The following KL variants were observed in gnomAD, a reference collection of about 807,000 sequenced individuals.
KL encodes the protein klotho, also known as alpha-klotho.
In KL, 62 loss-of-function variants were observed where a neutral mutation model predicts 84.2. That is an observed-to-expected ratio of 0.74 (90% CI 0.60 to 0.91). The LOEUF is 0.91. KL is among the 40% of genes least tolerant of loss of function. The probability of loss-of-function intolerance (pLI) is 0.00; values close to 1 mark genes in which losing one functional copy is unlikely to be tolerated. For synonymous variants in KL, 528 were observed against 528.0 expected, an observed-to-expected ratio of 1.00 and a Z score of 0.00; for missense variants, 1,261 against 1,305.7, an observed-to-expected ratio of 0.97 and a Z score of 0.53.
chr13:33,031,812 G>C (rs368604661), intron 1 of KL, among the ~76,000 whole-genome samples: 2 of 152,252 alleles, frequency 1.3e-5, no homozygotes. Context: ...CTGTTTTCAT[G>C]ATAAGCCTTT....
chr13:33,041,868 C>T (rs977253865), intron 1 of KL, among the ~76,000 whole-genome samples: 7 of 152,160 alleles, frequency 4.6e-5, no homozygotes, highest in Admixed American at 3.9e-4. Context: ...TTGAAGAAGA[C>T]TTGCCTGTCT....
intron 4 of KL, among the ~76,000 whole-genome samples, chr13:33,062,483 A>C (rs1872245292): frequency 6.6e-6 from 1 of 151,396 alleles, no homozygotes; most frequent in African/African-American, 2.4e-5. Context: ...GACCAGCCTG[A>C]CCAACATGGT....
Position 33,054,056 on chromosome 13 carries a change from G to C in KL, c.1109G>C (p.Cys370Ser), listed in dbSNP as rs9527025. The C allele has an allele frequency of 0.15, 249,034 of 1,612,736 alleles. 20,412 individuals are homozygous for C. The highest frequency in any genetic ancestry group is 0.18 in the African/African-American group (13,539 of 74,826). ...GGAACTGCTGACTTTTTTGCTCTTT[G>C]CTTTGGACCCACCTTGAGTTTTCAA... The part of the protein sequence containing the change: ...IKGTADFFAL[C>S]FGPTLSFQLL... Residue 370 changes from cysteine (C) to serine (S), a missense_variant, in exon 2 of 5, where the codon TGC (cysteine) becomes TCC (serine). By Grantham distance (112) the Cys-to-Ser change is moderately radical. Coordinates refer to ENST00000380099, the MANE Select transcript of KL (RefSeq NM_004795.4).
Position 33,017,028 on chromosome 13 carries a change from G to T in KL, c.588G>T (p.Leu196=). 6.3e-7 allele frequency: 1 copy of T among 1,598,092 alleles called. No individual in the cohort carries two copies. The highest frequency in any genetic ancestry group is 8.5e-7 in the Non-Finnish European group (1 of 1,176,182). The change falls in exon 1 of 5, where the codon CTG becomes CTT. Residue 196 remains leucine, a synonymous_variant. Transcript: ENST00000380099. ...QPVVTLYHWD[L]PQRLQDAYGG... is the part of the protein sequence containing the mutation. ...TGGTCACCCTGTACCACTGGGACCT[G>T]CCCCAGCGCCTGCAGGACGCCTACG...
Position 33,016,739 on chromosome 13 carries a change from C to A in KL, c.299C>A (p.Pro100His). ...WDTFTHHPLA[P>H]PGDSRNASLP... ...ACGTTCACCCACCACCCCCTGGCAC[C>A]CCCGGGAGACTCCCGGAACGCCAGT... Residue 100 changes from proline to histidine, a missense_variant, in exon 1 of 5, where the codon CCC (proline) becomes CAC (histidine). Physicochemically the swap from Pro to His is moderately conservative, Grantham distance 77. Coordinates refer to ENST00000380099, the MANE Select transcript of KL (RefSeq NM_004795.4). 2.5e-6 allele frequency: 4 copies of A among 1,611,676 alleles called. No homozygotes were observed. The highest frequency in any genetic ancestry group is 1.1e-5 in the South Asian group (1 of 90,886).
chr13:33,031,064 C>G (rs9526961), intron 1 of KL, among the ~76,000 whole-genome samples: 21,814 of 152,018 alleles, frequency 0.14, 1,647 homozygotes, highest in South Asian at 0.17. Context: ...TAATAAAATG[C>G]CCCAGAACTG....
intron 2 of KL, among the ~76,000 whole-genome samples, 162 bp downstream of exon 2, chr13:33,054,439 G>A (rs1283867973): frequency 6.6e-6 from 1 of 152,134 alleles, no homozygotes; most frequent in African/African-American, 2.4e-5. Flanking sequence ...TTCTCATTTG[G>A]AGTCTTGAGG....
chr13:33,032,835 C>T (rs912194900), intron 1 of KL, among the ~76,000 whole-genome samples: 1 of 152,126 alleles, frequency 6.6e-6, no homozygotes, highest in Admixed American at 6.5e-5. Flanking sequence ...TTTTCCGTCT[C>T]TCCAGGATCT....
chr13:33,019,524 C>T (rs1870493227), intron 1 of KL, among the ~76,000 whole-genome samples: 1 of 152,026 alleles, frequency 6.6e-6, no homozygotes, highest in African/African-American at 2.4e-5. Flanking sequence ...TACAAATGGG[C>T]TAAGGAGATC....
At chr13:33,023,464 C>T (rs1474343213) in intron 1 of KL, among the ~76,000 whole-genome samples, 1 of 152,224 alleles carries the variant, frequency 6.6e-6, no homozygotes, top group East Asian at 1.9e-4. Context: ...CACTTAACTA[C>T]TTAATTTGCC....
rs1268960970 is a variant in KL at position 33,054,060 on chromosome 13, T to G, written c.1113T>G (p.Phe371Leu). 2.5e-6 allele frequency: 4 copies of G among 1,613,850 alleles called. No homozygotes were observed. Among genetic ancestry groups the G allele is most frequent in the Non-Finnish European group, 3.4e-6 (4 of 1,179,844 alleles). ...CTGCTGACTTTTTTGCTCTTTGCTT[T>G]GGACCCACCTTGAGTTTTCAACTTT... ...KGTADFFALC[F>L]GPTLSFQLLD... The change falls in exon 2 of 5, where the codon TTT (phenylalanine) becomes TTG (leucine). Residue 371 changes from phenylalanine (F) to leucine (L), a missense_variant. Phe to Leu is a conservative substitution (Grantham distance 22, BLOSUM62 0). Transcript: ENST00000380099.
At chr13:33,047,975 T>C (rs1871599316) in intron 1 of KL, among the ~76,000 whole-genome samples, 1 of 152,200 alleles carries the variant, frequency 6.6e-6, no homozygotes, top group South Asian at 2.1e-4. Context: ...TCATGTTTTC[T>C]TCAGTTGTTG....
chr13:33,056,639 CAAA>C (rs57452305), intron 3 of KL, among the ~76,000 whole-genome samples: 45,908 of 144,456 alleles, frequency 0.32, 8,518 homozygotes, highest in Admixed American at 0.46. Flanking sequence ...ACTAAAAATA[CAAA>C]AAAAAAAAAA....
chr13:33,054,676 A>G (rs1871885246), intron 2 of KL, among the ~76,000 whole-genome samples: 1 of 152,222 alleles, frequency 6.6e-6, no homozygotes, highest in Non-Finnish European at 1.5e-5. Context: ...AAAATAGTAT[A>G]AATAGATCAT....
intron 1 of KL, among the ~76,000 whole-genome samples, chr13:33,020,819 C>T (rs1156996875): frequency 6.6e-6 from 1 of 152,126 alleles, no homozygotes; most frequent in Non-Finnish European, 1.5e-5. Flanking sequence ...TCTGCCTTGC[C>T]CCCTGCAGTG....
rs71071071 is a variant in KL at position 33,044,640 on chromosome 13, C to CTTTTTTTTTTTTTTTT, written c.820-9114_820-9099dup. Among the ~76,000 whole-genome samples, 12 of 52,750 alleles carry CTTTTTTTTTTTTTTTT rather than the reference C, an allele frequency of 2.3e-4. 5 individuals are homozygous for CTTTTTTTTTTTTTTTT. Among genetic ancestry groups the CTTTTTTTTTTTTTTTT allele is most frequent in the Admixed American group, 6.6e-4 (2 of 3,010 alleles). 34.6% of individuals were successfully genotyped at this position (52,750 alleles called of 152,430 possible). A position where few individuals can be genotyped will look rare whatever the true frequency, so the allele number is the denominator to read the frequency against. On this transcript the variant is annotated intron_variant, in intron 1 of 4. Coordinates refer to ENST00000380099, the MANE Select transcript of KL (RefSeq NM_004795.4). ...TTCATATATAAATGCAATTGATTTT[C>CTTTTTTTTTTTTTTTT]TTTTTTTTTTTTTTTTTTTTTTTTT... is the stretch of plus-strand genomic sequence containing the variant.
At chr13:33,044,636 TTTTC>T (rs1566504419) in intron 1 of KL, among the ~76,000 whole-genome samples, 1 of 81,774 alleles carries the variant, frequency 1.2e-5, no homozygotes, top group Admixed American at 1.3e-4. Context: ...ATGCAATTGA[TTTTC>T]TTTTTTTTTT....
At chr13:33,060,223 G>A (rs1055635430) in intron 3 of KL, among the ~76,000 whole-genome samples, 2 of 152,078 alleles carry the variant, frequency 1.3e-5, no homozygotes, top group African/African-American at 4.8e-5. Flanking sequence ...GGGATTATAG[G>A]CATGAGCCAC....
intron 1 of KL, among the ~76,000 whole-genome samples, chr13:33,047,452 A>G (rs918563546): frequency 6.6e-6 from 1 of 151,818 alleles, no homozygotes; most frequent in Non-Finnish European, 1.5e-5. Context: ...TCCCGGGTTC[A>G]AGCAATTCTC....
Sources: gnomAD v4.1 joint callset for allele counts (sites outside exome capture counted in the v4.1 genomes callset) on GRCh38, gnomAD v4.1.1 for gene constraint, MANE v1.5 for transcripts, NCBI Gene and HGNC (gene_info 2026-07-23, HGNC 2026-07-21) for gene names.